RELN: variants seen among roughly 807,000 people sequenced by gnomAD.
RELN encodes reelin.
Under a neutral mutation model 427.6 loss-of-function variants are expected in RELN, and 108 were observed. That is an observed-to-expected ratio of 0.25 (90% CI 0.22 to 0.30). RELN has a LOEUF of 0.30. Ranked by LOEUF, RELN falls within the 10% of genes least tolerant of loss-of-function variation. RELN has a pLI of 1.00. For missense variants in RELN, 3,715 were observed against 4,302.8 expected, an observed-to-expected ratio of 0.86 and a Z score of 3.82; for synonymous variants, 1,524 against 1,513.4, an observed-to-expected ratio of 1.01 and a Z score of -0.16.
chr7:103,741,954 G>A (rs7806181), intron 6 of RELN, among the ~76,000 whole-genome samples: 11,418 of 152,126 alleles, frequency 0.075, 554 homozygotes, highest in East Asian at 0.18. Context: ...ATCTGAGAAC[G>A]GGCAGACTGA....
At chr7:103,924,038 G>C (rs749312305) in intron 1 of RELN, among the ~76,000 whole-genome samples, 1 of 152,172 alleles carries the variant, frequency 6.6e-6, no homozygotes, top group Admixed American at 6.5e-5. Flanking sequence ...GCATGTGAAA[G>C]GTAGCTCTAG....
chr7:103,790,648 G>A (rs777560643), intron 3 of RELN, among the ~76,000 whole-genome samples: 3 of 152,076 alleles, frequency 2.0e-5, no homozygotes, highest in Non-Finnish European at 2.9e-5. Context: ...GTAGTGCCCT[G>A]GTCATAGGAT....
intron 2 of RELN, among the ~76,000 whole-genome samples, chr7:103,840,297 A>T (rs1793522029): frequency 6.6e-6 from 1 of 152,180 alleles, no homozygotes; most frequent in South Asian, 2.1e-4. Flanking sequence ...CTCCTATCGG[A>T]GTGTGAGACT....
At position 103,789,059 on chromosome 7, in the gene RELN, T is replaced by C. The variant is rs112496878; in HGVS notation, c.474-12432A>G. On this transcript the variant is annotated intron_variant, in intron 3 of 64. Coordinates refer to ENST00000428762, the MANE Select transcript of RELN (RefSeq NM_005045.4). ...CACACAAATACAACCATCTGATCTT[T>C]GACAAACCTGACAAAAACGAGCAAT... Among the ~76,000 whole-genome samples, 1,360 of 152,228 alleles carry C rather than the reference T, an allele frequency of 8.9e-3. 19 individuals carry two copies. The highest frequency in any genetic ancestry group is 0.031 in the African/African-American group (1,274 of 41,536).
At chr7:103,505,454 G>C (rs994896274) in intron 51 of RELN, among the ~76,000 whole-genome samples, 7 of 152,136 alleles carry the variant, frequency 4.6e-5, no homozygotes, top group Admixed American at 2.6e-4. Context: ...CCAGCAAACT[G>C]CAGGAGACCT....
In RELN at chr7:103,596,639, C is replaced by A. The variant is rs1375798737; in HGVS notation, c.3356G>T (p.Ser1119Ile). 6.2e-7 allele frequency: 1 copy of A among 1,614,032 alleles called. No homozygotes were observed. ...FSKAGKRQLVSWDLDTSWVDF... is the reference protein window; with the variant it reads ...FSKAGKRQLVIWDLDTSWVDF... ...CACCCAAGAAGTATCCAGGTCCCAA[C>A]TCACCAGCTGTCTTTTCCCAGCCTT... Residue 1119 changes from serine to isoleucine, a missense_variant, in exon 25 of 65, where the codon AGT (serine) becomes ATT (isoleucine). By Grantham distance (142) the Ser-to-Ile change is moderately radical. Coordinates refer to ENST00000428762, the MANE Select transcript of RELN (RefSeq NM_005045.4).
chr7:103,705,171 TAC>T (rs1275999231), intron 8 of RELN, among the ~76,000 whole-genome samples: 1 of 152,206 alleles, frequency 6.6e-6, no homozygotes, highest in East Asian at 1.9e-4. Context: ...AATATATGTA[TAC>T]ATTCCAGAAT....
chr7:103,695,401 T>C (rs1297093062), intron 10 of RELN, among the ~76,000 whole-genome samples: 3 of 152,138 alleles, frequency 2.0e-5, no homozygotes, highest in African/African-American at 7.2e-5. Context: ...TGATTTTTTT[T>C]CCCTTAATAG....
chr7:103,785,094 G>A (rs1239498929), intron 3 of RELN, among the ~76,000 whole-genome samples: 4 of 152,076 alleles, frequency 2.6e-5, no homozygotes, highest in Admixed American at 2.6e-4. Context: ...TAAATAAGCT[G>A]ATGTATTTGC....
Position 103,565,357 on chromosome 7 carries a change from A to C in RELN, c.5131T>G (p.Tyr1711Asp). ...CVPPTIGCLHYTESSIYTSER... is the reference protein window; with the variant it reads ...CVPPTIGCLHDTESSIYTSER... Reference sequence around the variant, plus strand: ...GAGGTGTAAATTGAACTTTCCGTGTAATGCAGACAGCCAATGGTTGGAGGA... The same window carrying C: ...GAGGTGTAAATTGAACTTTCCGTGTCATGCAGACAGCCAATGGTTGGAGGA... The change falls in exon 34 of 65, where the codon TAC (tyrosine) becomes GAC (aspartate). Residue 1711 changes from tyrosine (Y) to aspartate (D), a missense_variant. By Grantham distance (160) the Tyr-to-Asp change is radical. Transcript: ENST00000428762. 2 of 1,614,144 alleles carry C rather than the reference A, an allele frequency of 1.2e-6. No homozygotes were observed. The highest frequency in any genetic ancestry group is 2.2e-5 in the South Asian group (2 of 91,084).
intron 8 of RELN, among the ~76,000 whole-genome samples, chr7:103,719,613 A>G (rs62482642): frequency 0.6 from 91,872 of 151,998 alleles, 29,096 homozygotes; most frequent in African/African-American, 0.81. Flanking sequence ...ACTGTGTGGT[A>G]GACACAAGGT....
intron 8 of RELN, among the ~76,000 whole-genome samples, chr7:103,721,367 G>C (rs191892220): frequency 6.6e-6 from 1 of 152,172 alleles, no homozygotes; most frequent in East Asian, 1.9e-4. Flanking sequence ...CCTCAGGCTT[G>C]TGGGGAGACC....
intron 8 of RELN, among the ~76,000 whole-genome samples, chr7:103,708,150 GA>G: frequency 6.6e-6 from 1 of 152,060 alleles, no homozygotes; most frequent in East Asian, 1.9e-4. Flanking sequence ...GTATCATTTA[GA>G]AAAAATAGAC....
At chr7:103,516,632 AGAGGCAT>A (rs140394737) in intron 49 of RELN, among the ~76,000 whole-genome samples, 24,479 of 151,920 alleles carry the variant, frequency 0.16, 2,613 homozygotes, top group East Asian at 0.3. Context: ...ACCTCCCTTT[AGAGGCAT>A]ACCTCAAGGG....
intron 15 of RELN, among the ~76,000 whole-genome samples, chr7:103,651,384 A>T (rs1168762542): frequency 5.9e-5 from 9 of 152,090 alleles, no homozygotes; most frequent in Admixed American, 3.3e-4. Flanking sequence ...GTAGCGTGGC[A>T]ATAACCACAG....
At chr7:103,916,013 C>A (rs1213174842) in intron 2 of RELN, among the ~76,000 whole-genome samples, 1 of 152,080 alleles carries the variant, frequency 6.6e-6, no homozygotes, top group African/African-American at 2.4e-5. Context: ...TGAAATCTAA[C>A]CTGGGATCTT....
At chr7:103,752,484 G>A (rs1040672198) in intron 5 of RELN, among the ~76,000 whole-genome samples, 3 of 151,882 alleles carry the variant, frequency 2.0e-5, no homozygotes, top group Non-Finnish European at 2.9e-5. Flanking sequence ...ATCATAGCTT[G>A]CTGCAGCCTT....
intron 12 of RELN, among the ~76,000 whole-genome samples, chr7:103,658,966 A>G (rs1833080504): frequency 6.6e-6 from 1 of 151,264 alleles, no homozygotes; most frequent in Non-Finnish European, 1.5e-5. Context: ...TTTCCCCTCT[A>G]CTTATACCTA....
chr7:103,837,262 T>A (rs747393963), intron 2 of RELN, among the ~76,000 whole-genome samples: 3 of 152,166 alleles, frequency 2.0e-5, no homozygotes, highest in African/African-American at 7.2e-5. Context: ...ATCATGTCAA[T>A]CCCTGTGAAA....
Sources: allele counts gnomAD v4.1 joint callset (sites outside exome capture counted in the v4.1 genomes callset), GRCh38; gene constraint gnomAD v4.1.1; transcripts MANE v1.5; gene names NCBI Gene and HGNC (gene_info 2026-07-23, HGNC 2026-07-21).